Variants in MAP4K5 observed in about 807,000 individuals in gnomAD.
The protein encoded by MAP4K5 is MAPK/ERK kinase kinase kinase 5.
Under a neutral mutation model 135.6 loss-of-function variants are expected in MAP4K5, and 82 were observed. The ratio of observed to expected loss-of-function variants is 0.60; its 90% CI spans 0.51 to 0.73. MAP4K5 has a LOEUF of 0.73. Ranked by LOEUF, MAP4K5 falls within the 30% of genes least tolerant of loss-of-function variation. The probability of loss-of-function intolerance (pLI) is 0.00; values close to 1 mark genes in which losing one functional copy is unlikely to be tolerated. For missense variants in MAP4K5, 907 were observed against 1,010.9 expected (o/e 0.90, Z 1.39); for synonymous variants, 347 against 335.0 (o/e 1.04, Z -0.39).
chr14:50,419,748 TA>T lies in MAP4K5; in HGVS notation c.*270del. ...CCCTTGTTACAAACATTGTTTTTTT[TA>T]AAAAAAGACTGTGTTTCCTGGAACT... is the stretch of plus-strand genomic sequence containing the variant. On this transcript the variant is annotated 3_prime_UTR_variant, in exon 33 of 33. Transcript: ENST00000682126. 3.2e-6 allele frequency: 1 copy of T among 312,522 alleles called. No individual in the cohort carries two copies. The highest frequency in any genetic ancestry group is 5.9e-6 in the Non-Finnish European group (1 of 168,582). 19.4% of individuals were successfully genotyped at this position (312,522 alleles called of 1,614,324 possible).
intron 2 of MAP4K5, among the ~76,000 whole-genome samples, chr14:50,538,098 G>A (rs1437156564): frequency 6.6e-6 from 1 of 152,162 alleles, no homozygotes; most frequent in Non-Finnish European, 1.5e-5. Flanking sequence ...AGAGGGACCT[G>A]GTGGGAGGTA....
At chr14:50,536,220 G>A (rs369185705), upstream of MAP4K5, among the ~76,000 whole-genome samples, 6 of 152,154 alleles carry the variant, frequency 3.9e-5, no homozygotes, top group East Asian at 1.9e-4. Context: ...CAAGGTGGGC[G>A]GATCATCTGA....
chr14:50,560,187 C>T (rs1252890627), intron 1 of MAP4K5: 1 of 1,575,164 alleles, frequency 6.3e-7, no homozygotes, highest in Non-Finnish European at 8.7e-7. Flanking sequence ...CGGAGCCTCC[C>T]ACCGCCAGCA....
At chr14:50,492,276 A>G (rs2037500801) in intron 3 of MAP4K5, among the ~76,000 whole-genome samples, 1 of 152,104 alleles carries the variant, frequency 6.6e-6, no homozygotes, top group Non-Finnish European at 1.5e-5. Flanking sequence ...AAAAGCAAAA[A>G]CAGAGAGATG....
chr14:50,480,437 C>T (rs1314331311), intron 6 of MAP4K5, among the ~76,000 whole-genome samples: 1 of 151,504 alleles, frequency 6.6e-6, no homozygotes, highest in Non-Finnish European at 1.5e-5. Context: ...TAACCATCCC[C>T]ACTCCCCTCC....
intron 3 of MAP4K5, among the ~76,000 whole-genome samples, chr14:50,488,955 T>A (rs1258953970): frequency 6.6e-6 from 1 of 152,240 alleles, no homozygotes; most frequent in Non-Finnish European, 1.5e-5. Flanking sequence ...GAGAGGTAAG[T>A]AAGCTAAATA....
At chr14:50,437,644 G>T in intron 25 of MAP4K5, 110 bp from the exon 26 acceptor site, 1 of 738,874 alleles carries the variant, frequency 1.4e-6, no homozygotes, top group Non-Finnish European at 2.2e-6. Flanking sequence ...AAACTGTCTT[G>T]GATCCTAACT....
chr14:50,428,952 T>G (rs959980064), intron 29 of MAP4K5, among the ~76,000 whole-genome samples, 198 bp from the exon 30 acceptor site: 3 of 152,228 alleles, frequency 2.0e-5, no homozygotes, highest in African/African-American at 4.8e-5. Context: ...GCTATTATTT[T>G]TTATATAGTA....
intron 9 of MAP4K5, chr14:50,472,723 G>A (rs1464362372): frequency 1.3e-5 from 2 of 152,166 alleles, no homozygotes; most frequent in Middle Eastern, 3.2e-3. Context: ...CATGACATGT[G>A]CACATTGGAG....
rs1361454319 is a variant in MAP4K5, at chr14:50,473,870, C to A, written c.542+1207G>T. Among the ~76,000 whole-genome samples, 2 of 151,834 alleles carry A rather than the reference C, an allele frequency of 1.3e-5. 1 individual carries two copies. Among genetic ancestry groups the A allele is most frequent in the African/African-American group, 4.8e-5 (2 of 41,338 alleles). ...TCCCGAGGAGCTGGGACTACAGGCA[C>A]CTGCCACGACGCCCGGCTAATTTTT... On this transcript the variant is annotated intron_variant, in intron 9 of 32. Coordinates refer to ENST00000682126, the MANE Select transcript of MAP4K5 (RefSeq NM_006575.6).
At chr14:50,505,844 G>A (rs1439166388) in intron 2 of MAP4K5, among the ~76,000 whole-genome samples, 5 of 152,164 alleles carry the variant, frequency 3.3e-5, no homozygotes, top group African/African-American at 1.2e-4. Flanking sequence ...CATAAAGGAT[G>A]TTACATATAG....
intron 32 of MAP4K5, among the ~76,000 whole-genome samples, chr14:50,421,960 T>G (rs2035744550): frequency 6.6e-6 from 1 of 151,380 alleles, no homozygotes; most frequent in Non-Finnish European, 1.5e-5. Context: ...GGTGCGATCT[T>G]GGCTCACTGC....
chr14:50,479,438 A>C (rs2037187842), intron 6 of MAP4K5, among the ~76,000 whole-genome samples: 2 of 152,082 alleles, frequency 1.3e-5, no homozygotes, highest in Admixed American at 6.5e-5. Context: ...GACACATGTT[A>C]ATTAACATCC....
At chr14:50,426,707 G>C (rs1204783059) in intron 30 of MAP4K5, among the ~76,000 whole-genome samples, 5 of 152,218 alleles carry the variant, frequency 3.3e-5, no homozygotes, top group Non-Finnish European at 7.3e-5. Flanking sequence ...TTGGGCGACA[G>C]AGCGAGACTC....
Position 50,494,429 on chromosome 14 carries a change from G to C in MAP4K5, c.167-8235C>G, listed in dbSNP as rs148621307. ...GATCCGCCCACTTCAGCCTCCCAAAGTGCTGGGATTACAAGCGTGAGCCAC... is the reference window on the plus strand; with the variant it reads ...GATCCGCCCACTTCAGCCTCCCAAACTGCTGGGATTACAAGCGTGAGCCAC... On this transcript the variant is annotated intron_variant, in intron 3 of 32. Transcript: ENST00000682126. 2.0e-4 allele frequency among the ~76,000 whole-genome samples: 31 copies of C among 152,166 alleles called. 1 individual carries two copies. Among genetic ancestry groups the C allele is most frequent in the Middle Eastern group, 6.8e-3 (2 of 294 alleles).
At chr14:50,530,172 G>GGGTGAAGGTAGAGTAT (rs1194204509) in intron 2 of MAP4K5, among the ~76,000 whole-genome samples, 1 of 152,170 alleles carries the variant, frequency 6.6e-6, no homozygotes, top group Non-Finnish European at 1.5e-5. Flanking sequence ...ATGTGTTAAG[G>GGGTGAAGGTAGAGTAT]GGTGAAGGTA....
chr14:50,423,874 A>T (rs2035787307), intron 31 of MAP4K5, among the ~76,000 whole-genome samples: 1 of 152,364 alleles, frequency 6.6e-6, no homozygotes, highest in Non-Finnish European at 1.5e-5. Context: ...AACATGGGAT[A>T]GCAGTTGCTG....
intron 13 of MAP4K5, among the ~76,000 whole-genome samples, chr14:50,461,024 A>G (rs977607196): frequency 6.6e-6 from 1 of 151,998 alleles, no homozygotes; most frequent in African/African-American, 2.4e-5. Flanking sequence ...TAGTTACTAT[A>G]ATATTTATTT....
intron 1 of MAP4K5, among the ~76,000 whole-genome samples, chr14:50,544,973 A>T (rs1045427304): frequency 1.3e-5 from 2 of 150,390 alleles, no homozygotes; most frequent in African/African-American, 4.9e-5. Flanking sequence ...GAAGCCAACT[A>T]TAATGTAACA....
Sources: gnomAD v4.1 joint callset for allele counts (sites outside exome capture counted in the v4.1 genomes callset) on GRCh38, gnomAD v4.1.1 for gene constraint, MANE v1.5 for transcripts, NCBI Gene and HGNC (gene_info 2026-07-23, HGNC 2026-07-21) for gene names.